The following MLIP variants were observed in gnomAD, a reference collection of about 807,000 sequenced individuals.
The protein encoded by MLIP is muscular LMNA-interacting protein.
MLIP carries 79 observed loss-of-function variants against 84.8 expected under a neutral mutation model. That is an observed-to-expected ratio of 0.93 (90% CI 0.78 to 1.12). The LOEUF (loss-of-function observed/expected upper bound fraction) is 1.12, where lower values mean the gene tolerates loss of function less well. Among genes scored for constraint, MLIP ranks in the 50% most tolerant of loss-of-function variants. MLIP has a pLI of 0.00. For missense variants in MLIP, 1,257 were observed against 1,160.6 expected (o/e 1.08, Z -1.21); for synonymous variants, 504 against 463.0 (o/e 1.09, Z -1.14).
intron 9 of MLIP, among the ~76,000 whole-genome samples, chr6:54,187,910 G>A (rs1051877749): frequency 6.6e-6 from 1 of 152,198 alleles, no homozygotes; most frequent in East Asian, 1.9e-4. Context: ...CGGAGGCTGA[G>A]CCAGCGGAAT....
intron 9 of MLIP, among the ~76,000 whole-genome samples, chr6:54,175,227 T>G (rs1776167251): frequency 6.6e-6 from 1 of 152,002 alleles, no homozygotes; most frequent in African/African-American, 2.4e-5. Context: ...TTGGTGATTC[T>G]GGGTCTTTTG....
chr6:54,061,778 A>C (rs1435178367), intron 1 of MLIP, among the ~76,000 whole-genome samples: 1 of 152,206 alleles, frequency 6.6e-6, no homozygotes, highest in Non-Finnish European at 1.5e-5. Context: ...AAGATGTAAA[A>C]GACTAAAGAA....
At chr6:54,164,444 ATAGCTTTT>A (rs1774977524) in intron 8 of MLIP, among the ~76,000 whole-genome samples, 1 of 151,948 alleles carries the variant, frequency 6.6e-6, no homozygotes, top group Non-Finnish European at 1.5e-5. Context: ...TGAAGCTAAC[ATAGCTTTT>A]TCTTCTAAAT....
rs972597852 is a variant in MLIP, at chr6:54,202,297, T to A, written c.2718+64T>A. ...AATATAAATATATATAAAATATATA[T>A]AAATATATAAATATATTTTGATAAA... On this transcript the variant is annotated intron_variant, in intron 11 of 13. Transcript: ENST00000502396. 7.1e-5 allele frequency: 53 copies of A among 749,892 alleles called. 1 individual carries two copies. Among genetic ancestry groups the A allele is most frequent in the East Asian group, 7.0e-4 (12 of 17,104 alleles). The allele number at this position is 749,892 out of a possible 1,614,324, so 46.5% of individuals were successfully genotyped here.
At chr6:54,021,353 A>C (rs1002969617) in intron 1 of MLIP, among the ~76,000 whole-genome samples, 3 of 152,196 alleles carry the variant, frequency 2.0e-5, no homozygotes, top group African/African-American at 7.2e-5. Context: ...GTTTGTTAAA[A>C]TTAAAGCTGT....
At chr6:54,101,022 A>T (rs528616738) in intron 1 of MLIP, among the ~76,000 whole-genome samples, 3 of 152,276 alleles carry the variant, frequency 2.0e-5, no homozygotes, top group African/African-American at 7.2e-5. Flanking sequence ...ATTCAAAACA[A>T]CACTTTGGTC....
intron 10 of MLIP, among the ~76,000 whole-genome samples, chr6:54,199,636 C>A (rs1778536838): frequency 6.6e-6 from 1 of 152,002 alleles, no homozygotes; most frequent in African/African-American, 2.4e-5. Context: ...AGATTTTTAA[C>A]TGGACCAATA....
At chr6:54,258,872 G>A (rs1783198841) in intron 13 of MLIP, among the ~76,000 whole-genome samples, 3 of 151,904 alleles carry the variant, frequency 2.0e-5, no homozygotes, top group Admixed American at 2.0e-4. Flanking sequence ...CCTGCAGTCT[G>A]TGCCTCTTGG....
chr6:54,169,666 T>A, intron 9 of MLIP, 94 bp downstream of exon 9: 1 of 754,472 alleles, frequency 1.3e-6, no homozygotes, highest in Non-Finnish European at 2.0e-6. Flanking sequence ...TAAATAGAAT[T>A]AATTGTTTTT....
At position 54,103,183 on chromosome 6, in the gene MLIP, G is replaced by C. The variant is rs142784915; in HGVS notation, c.64-18264G>C. On this transcript the variant is annotated intron_variant, in intron 1 of 12. Transcript: ENST00000274897. ...GATAACACAATAAGCCCCTCATCTTGTCCCAACCTCTAAAATTTCTAAGTA... is the reference window on the plus strand; with the variant it reads ...GATAACACAATAAGCCCCTCATCTTCTCCCAACCTCTAAAATTTCTAAGTA... Among the ~76,000 whole-genome samples, 1,359 of 152,100 alleles carry C rather than the reference G, an allele frequency of 8.9e-3. 24 individuals carry two copies. The highest frequency in any genetic ancestry group is 0.03 in the African/African-American group (1,250 of 41,490).
intron 1 of MLIP, among the ~76,000 whole-genome samples, chr6:54,095,275 T>C (rs1333686032): frequency 6.6e-6 from 1 of 152,090 alleles, no homozygotes; most frequent in Non-Finnish European, 1.5e-5. Flanking sequence ...AAAGTAAACA[T>C]ATTGGTCACA....
intron 3 of MLIP, among the ~76,000 whole-genome samples, chr6:54,134,945 C>T (rs1771677482): frequency 6.6e-6 from 1 of 151,482 alleles, no homozygotes; most frequent in African/African-American, 2.4e-5. Context: ...TAGGAGAGAT[C>T]AATCATAGGA....
At chr6:54,258,120 T>TATC (rs1176685132) in intron 13 of MLIP, among the ~76,000 whole-genome samples, 1 of 151,994 alleles carries the variant, frequency 6.6e-6, no homozygotes, top group Non-Finnish European at 1.5e-5. Flanking sequence ...TTAAAAAACT[T>TATC]ATCTCTGAGA....
intron 1 of MLIP, among the ~76,000 whole-genome samples, chr6:54,060,783 G>C (rs1384188208): frequency 6.6e-6 from 1 of 151,954 alleles, no homozygotes; most frequent in Non-Finnish European, 1.5e-5. Flanking sequence ...GATAGAAGGA[G>C]GATTCATCAC....
chr6:54,174,369 G>A (rs1192331043), intron 9 of MLIP, among the ~76,000 whole-genome samples: 1 of 151,928 alleles, frequency 6.6e-6, no homozygotes, highest in Non-Finnish European at 1.5e-5. Context: ...CCCACCAACA[G>A]TATATGAGGG....
Position 54,226,610 on chromosome 6 carries a change from CA to C in MLIP, c.2719-4094del, listed in dbSNP as rs74362709. Among the ~76,000 whole-genome samples, 604 of 146,646 alleles carry C rather than the reference CA, an allele frequency of 4.1e-3. 9 individuals carry two copies. The highest frequency in any genetic ancestry group is 0.015 in the African/African-American group (585 of 39,696). ...ATGAAATATGAGCAGAAAACCAAAC[CA>C]AAAAAAAAATGACCAAACAGGAAAT... On this transcript the variant is annotated intron_variant, in intron 11 of 13. Transcript: ENST00000502396.
At chr6:54,075,007 G>A (rs1231251428) in intron 1 of MLIP, among the ~76,000 whole-genome samples, 1 of 152,058 alleles carries the variant, frequency 6.6e-6, no homozygotes, top group Non-Finnish European at 1.5e-5. Context: ...CAGCACTTTG[G>A]GAGGCCGAGG....
intron 9 of MLIP, among the ~76,000 whole-genome samples, chr6:54,174,212 C>T (rs1191838149): frequency 6.6e-6 from 1 of 151,884 alleles, no homozygotes; most frequent in Non-Finnish European, 1.5e-5. Flanking sequence ...AGTGCAGATA[C>T]CTCTTTAATA....
At chr6:54,131,534 C>T (rs145985567) in intron 3 of MLIP, among the ~76,000 whole-genome samples, 2 of 152,064 alleles carry the variant, frequency 1.3e-5, no homozygotes, top group South Asian at 4.1e-4. Flanking sequence ...AAGCAAGTAA[C>T]CGTTTCCACC....
Sources: gnomAD v4.1 joint callset for allele counts (sites outside exome capture counted in the v4.1 genomes callset) on GRCh38, gnomAD v4.1.1 for gene constraint, MANE v1.5 for transcripts, NCBI Gene and HGNC (gene_info 2026-07-23, HGNC 2026-07-21) for gene names.